PLGRKT: variants seen among roughly 807,000 people sequenced by gnomAD.
PLGRKT encodes plasminogen receptor (KT).
A neutral mutation model predicts 18.5 loss-of-function variants in PLGRKT; 22 were observed. That is an observed-to-expected ratio of 1.19 (90% CI 0.85 to 1.70). The LOEUF (loss-of-function observed/expected upper bound fraction) is 1.70, where lower values mean the gene tolerates loss of function less well. Among genes scored for constraint, PLGRKT ranks in the 40% most tolerant of loss-of-function variants. PLGRKT has a pLI of 0.00. For missense variants in PLGRKT, 235 were observed against 174.4 expected (o/e 1.35, Z -1.96); for synonymous variants, 72 against 52.8 (o/e 1.36, Z -1.58).
intron 3 of PLGRKT, among the ~76,000 whole-genome samples, chr9:5,431,331 C>G (rs971041857): frequency 6.6e-6 from 1 of 151,928 alleles, no homozygotes; most frequent in Non-Finnish European, 1.5e-5. Flanking sequence ...GCCAGGAGTT[C>G]GAGACCAGCC....
At chr9:5,406,845 C>T (rs545834674) in intron 3 of PLGRKT, among the ~76,000 whole-genome samples, 1 of 152,218 alleles carries the variant, frequency 6.6e-6, no homozygotes, top group Admixed American at 6.5e-5. Flanking sequence ...AGAATTCATC[C>T]ATGTAACCAA....
chr9:5,408,106 G>A (rs1025834092), intron 3 of PLGRKT, among the ~76,000 whole-genome samples: 4 of 152,182 alleles, frequency 2.6e-5, no homozygotes, highest in African/African-American at 9.7e-5. Flanking sequence ...TTTTATTTTA[G>A]ATTATATTTT....
intron 3 of PLGRKT, among the ~76,000 whole-genome samples, chr9:5,384,958 T>C (rs922705041): frequency 6.6e-6 from 1 of 152,182 alleles, no homozygotes; most frequent in Admixed American, 6.5e-5. Flanking sequence ...TGCTTACACC[T>C]TTATTTAACA....
At position 5,424,691 on chromosome 9, in the gene PLGRKT, T is replaced by TATATATATATATATATATATATATACAC. The variant is rs201541927; in HGVS notation, c.81+7205_81+7206insGTGTATATATATATATATATATATATAT. 6.1e-4 allele frequency among the ~76,000 whole-genome samples: 43 copies of TATATATATATATATATATATATATACAC among 70,492 alleles called. 1 individual carries two copies. The highest frequency in any genetic ancestry group is 2.4e-3 in the African/African-American group (40 of 16,376). The allele number at this position is 70,492 out of a possible 152,430, so 46.2% of individuals were successfully genotyped here. On this transcript the variant is annotated intron_variant, in intron 3 of 5. Transcript: ENST00000223864. ...TTTTATATATATATATATATATATA[T>TATATATATATATATATATATATATACAC]ACACACAGGGGGGGGAGAGAGGGAG...
At chr9:5,394,813 T>A (rs1362085397) in intron 3 of PLGRKT, among the ~76,000 whole-genome samples, 2 of 151,852 alleles carry the variant, frequency 1.3e-5, no homozygotes, top group African/African-American at 4.9e-5. Flanking sequence ...GATTTAAACA[T>A]GTCTGTTTTT....
At chr9:5,381,948 G>A in intron 3 of PLGRKT, 1 of 984,818 alleles carries the variant, frequency 1.0e-6, no homozygotes, top group Non-Finnish European at 1.2e-6. Context: ...GGGCCTCCAT[G>A]CCTGAGCCAG....
intron 3 of PLGRKT, among the ~76,000 whole-genome samples, chr9:5,388,541 TACTCTTTC>T (rs1028408490): frequency 1.3e-5 from 2 of 151,990 alleles, no homozygotes; most frequent in African/African-American, 4.8e-5. Context: ...CAAACTGGCC[TACTCTTTC>T]ACTCTTTCCC....
intron 3 of PLGRKT, among the ~76,000 whole-genome samples, chr9:5,389,892 C>T (rs1392664716): frequency 2.0e-5 from 3 of 151,826 alleles, no homozygotes; most frequent in Non-Finnish European, 4.4e-5. Flanking sequence ...CCAGAAAGCA[C>T]ATCAGGAAAC....
Position 5,429,799 on chromosome 9 carries a change from A to G in PLGRKT, c.81+2098T>C, listed in dbSNP as rs140646690. The stretch of plus-strand genomic sequence containing the variant: ...AGACAGGAGACACATTTCAACCCAT[A>G]ACACACCCCTTTCAAAAAGGGGACG... On this transcript the variant is annotated intron_variant, in intron 3 of 5. Coordinates refer to ENST00000223864, the MANE Select transcript of PLGRKT (RefSeq NM_018465.4). Among the ~76,000 whole-genome samples, 85 of 152,330 alleles carry G rather than the reference A, an allele frequency of 5.6e-4. 1 individual carries two copies. The East Asian group carries it at 0.016, about 28-fold the overall frequency.
At chr9:5,415,443 T>C (rs1818441986) in intron 3 of PLGRKT, among the ~76,000 whole-genome samples, 1 of 152,206 alleles carries the variant, frequency 6.6e-6, no homozygotes, top group African/African-American at 2.4e-5. Flanking sequence ...CTGTTGCATG[T>C]AAGATCTCAC....
At chr9:5,376,293 G>A (rs372758712) in intron 3 of PLGRKT, among the ~76,000 whole-genome samples, 2 of 152,178 alleles carry the variant, frequency 1.3e-5, no homozygotes, top group African/African-American at 4.8e-5. Context: ...GCACAAGGCA[G>A]CACAAGGGAG....
At chr9:5,388,066 T>C (rs1817879035) in intron 3 of PLGRKT, among the ~76,000 whole-genome samples, 1 of 151,914 alleles carries the variant, frequency 6.6e-6, no homozygotes, top group Non-Finnish European at 1.5e-5. Flanking sequence ...AAATATTAAT[T>C]TGAAGGCATC....
At chr9:5,385,740 T>A (rs1053473816) in intron 3 of PLGRKT, among the ~76,000 whole-genome samples, 1 of 151,758 alleles carries the variant, frequency 6.6e-6, no homozygotes, top group Non-Finnish European at 1.5e-5. Context: ...GGTCTATTTT[T>A]GAGAGGCAAT....
At chr9:5,383,179 G>T (rs968152672) in intron 3 of PLGRKT, among the ~76,000 whole-genome samples, 4 of 152,176 alleles carry the variant, frequency 2.6e-5, no homozygotes, top group Non-Finnish European at 4.4e-5. Context: ...GCCAAGGAAC[G>T]CCTGGAGCCA....
At chr9:5,395,340 G>T (rs1310713370) in intron 3 of PLGRKT, among the ~76,000 whole-genome samples, 1 of 151,878 alleles carries the variant, frequency 6.6e-6, no homozygotes, top group African/African-American at 2.4e-5. Context: ...AATCATTAGT[G>T]TGAGGCATGA....
chr9:5,361,794 G>T lies in PLGRKT; in HGVS notation c.176C>A (p.Thr59Asn), dbSNP rs761249857. 6.2e-7 allele frequency: 1 copy of T among 1,612,964 alleles called. No individual in the cohort carries two copies. Among genetic ancestry groups the T allele is most frequent in the Admixed American group, 1.7e-5 (1 of 59,802 alleles). Residue 59 changes from threonine (T) to asparagine (N), a missense_variant, in exon 4 of 6, where the codon ACT becomes AAT. Physicochemically the swap from Thr to Asn is moderately conservative, Grantham distance 65 (BLOSUM62 0). Transcript: ENST00000223864. ...WSREFLKYFGTFFGLAAISLT... is the reference protein window; with the variant it reads ...WSREFLKYFGNFFGLAAISLT... ...AGAGATGGCTGCAAGGCCAAAAAAA[G>T]TTCCAAAATATTTGAGGAATTCCCG...
intron 3 of PLGRKT, among the ~76,000 whole-genome samples, chr9:5,401,657 G>A (rs112825442): frequency 0.01 from 1,532 of 151,754 alleles, 51 homozygotes; most frequent in African/African-American, 0.035. Flanking sequence ...TTTTACTTTC[G>A]TTTGATGTAA....
At chr9:5,366,553 C>A (rs1049419453) in intron 3 of PLGRKT, among the ~76,000 whole-genome samples, 26 of 152,090 alleles carry the variant, frequency 1.7e-4, no homozygotes, top group African/African-American at 5.8e-4. Context: ...TCAAAGAGAG[C>A]ACATAAGACG....
Position 5,423,104 on chromosome 9 carries a change from A to G in PLGRKT, c.81+8793T>C, listed in dbSNP as rs575361294. On this transcript the variant is annotated intron_variant, in intron 3 of 5. Coordinates refer to ENST00000223864, the MANE Select transcript of PLGRKT (RefSeq NM_018465.4). Reference sequence around the variant, plus strand: ...TCCATAGTCTGCTGGCACTTAGAAAACATTTGAAGCCAGACCAATTTTGGC... The same window carrying G: ...TCCATAGTCTGCTGGCACTTAGAAAGCATTTGAAGCCAGACCAATTTTGGC... Among the ~76,000 whole-genome samples, 6 of 152,298 alleles carry G rather than the reference A, an allele frequency of 3.9e-5. No individual in the cohort carries two copies. The South Asian group carries it at 1.2e-3, about 32-fold the overall frequency.
Sources: allele counts gnomAD v4.1 joint callset (sites outside exome capture counted in the v4.1 genomes callset), GRCh38; gene constraint gnomAD v4.1.1; transcripts MANE v1.5; gene names NCBI Gene and HGNC (gene_info 2026-07-23, HGNC 2026-07-21).